ADGRB3: variants seen among roughly 807,000 people sequenced by gnomAD.
ADGRB3 encodes the protein brain-specific angiogenesis inhibitor 3.
Under a neutral mutation model 193.4 loss-of-function variants are expected in ADGRB3, and 37 were observed. The ratio of observed to expected loss-of-function variants is 0.19; its 90% CI spans 0.15 to 0.25. The LOEUF (loss-of-function observed/expected upper bound fraction) is 0.25, where lower values mean the gene tolerates loss of function less well. Ranked by LOEUF, ADGRB3 falls within the 10% of genes least tolerant of loss-of-function variation. The probability of loss-of-function intolerance (pLI) is 1.00; values close to 1 mark genes in which losing one functional copy is unlikely to be tolerated. For synonymous variants in ADGRB3, 690 were observed against 644.2 expected, an observed-to-expected ratio of 1.07 and a Z score of -1.08; for missense variants, 1,637 against 1,852.9, an observed-to-expected ratio of 0.88 and a Z score of 2.14.
intron 17 of ADGRB3, among the ~76,000 whole-genome samples, chr6:69,078,909 A>C (rs1350282273): frequency 1.3e-5 from 2 of 152,036 alleles, no homozygotes; most frequent in Non-Finnish European, 2.9e-5. Context: ...CATTCGATAA[A>C]TATTTATTGG....
chr6:68,950,464 A>G (rs1767885161), intron 6 of ADGRB3, among the ~76,000 whole-genome samples: 1 of 152,160 alleles, frequency 6.6e-6, no homozygotes, highest in African/African-American at 2.4e-5. Flanking sequence ...TAAATTTGAG[A>G]AGTAAATTTT....
chr6:68,736,275 T>C (rs1315297910), intron 3 of ADGRB3, among the ~76,000 whole-genome samples: 2 of 152,084 alleles, frequency 1.3e-5, no homozygotes, highest in African/African-American at 4.8e-5. Context: ...CGGCTCAGCC[T>C]CTCCAGTGCT....
chr6:69,012,612 G>A (rs890886575), intron 11 of ADGRB3, among the ~76,000 whole-genome samples: 1 of 152,074 alleles, frequency 6.6e-6, no homozygotes, highest in Non-Finnish European at 1.5e-5. Flanking sequence ...AAACAGACTT[G>A]CAGGTTTTTT....
chr6:69,209,215 G>A (rs549743743), intron 17 of ADGRB3, among the ~76,000 whole-genome samples: 3 of 152,184 alleles, frequency 2.0e-5, no homozygotes, highest in South Asian at 2.1e-4. Context: ...CAAAACTGGC[G>A]GCCTTTCAGG....
intron 3 of ADGRB3, among the ~76,000 whole-genome samples, chr6:68,780,244 A>G (rs148805655): frequency 1.9e-3 from 290 of 152,204 alleles, no homozygotes; most frequent in Middle Eastern, 0.01. Flanking sequence ...AGTCTCAGAC[A>G]AGCTATACAT....
chr6:68,989,521 G>T (rs1582375438), intron 10 of ADGRB3, among the ~76,000 whole-genome samples: 1 of 152,074 alleles, frequency 6.6e-6, no homozygotes, highest in East Asian at 1.9e-4. Context: ...TCGAGAAATT[G>T]GATCTTGAAT....
chr6:68,795,585 A>G (rs1484071414), intron 3 of ADGRB3, among the ~76,000 whole-genome samples: 1 of 152,096 alleles, frequency 6.6e-6, no homozygotes, highest in Non-Finnish European at 1.5e-5. Flanking sequence ...TTTTCCTCAA[A>G]TCAAAACATC....
At chr6:68,727,046 TTAA>T (rs1414688229) in intron 3 of ADGRB3, among the ~76,000 whole-genome samples, 1 of 151,604 alleles carries the variant, frequency 6.6e-6, no homozygotes, top group Admixed American at 6.6e-5. Context: ...CCAGGTTACC[TTAA>T]GTCCTCTTGT....
chr6:69,221,873 T>C (rs917397133), intron 17 of ADGRB3, among the ~76,000 whole-genome samples: 1 of 152,148 alleles, frequency 6.6e-6, no homozygotes, highest in Admixed American at 6.6e-5. Context: ...CGGTAGCATA[T>C]AATTTTTCTG....
At chr6:69,256,651 A>G in intron 20 of ADGRB3, among the ~76,000 whole-genome samples, 1 of 152,204 alleles carries the variant, frequency 6.6e-6, no homozygotes, top group East Asian at 1.9e-4. Flanking sequence ...GTCTGCAAAC[A>G]GGGACAATTT....
chr6:69,315,669 A>G (rs2127302599), intron 20 of ADGRB3, among the ~76,000 whole-genome samples: 1 of 151,584 alleles, frequency 6.6e-6, no homozygotes, highest in South Asian at 2.1e-4. Context: ...ATGAGTAAGC[A>G]GTTACCGGTG....
At chr6:68,684,098 G>A (rs1561993711) in intron 3 of ADGRB3, among the ~76,000 whole-genome samples, 1 of 152,138 alleles carries the variant, frequency 6.6e-6, no homozygotes, top group Non-Finnish European at 1.5e-5. Context: ...TGCGGCAACA[G>A]ACACGGTATA....
At chr6:69,368,469 T>C (rs1163751705) in intron 29 of ADGRB3, among the ~76,000 whole-genome samples, 1 of 152,116 alleles carries the variant, frequency 6.6e-6, no homozygotes, top group African/African-American at 2.4e-5. Context: ...GGGTGACTCC[T>C]GAGTCTCTCG....
At chr6:69,256,432 T>G (rs1197042181) in intron 20 of ADGRB3, among the ~76,000 whole-genome samples, 1 of 152,154 alleles carries the variant, frequency 6.6e-6, no homozygotes, top group Non-Finnish European at 1.5e-5. Context: ...CCTTGTAAGG[T>G]GGATTCCTAG....
chr6:68,957,097 G>A (rs190657253), intron 8 of ADGRB3, among the ~76,000 whole-genome samples: 52 of 152,264 alleles, frequency 3.4e-4, no homozygotes, highest in Admixed American at 3.2e-3. Context: ...AAGAAGTGTC[G>A]CTGACATTCA....
intron 3 of ADGRB3, among the ~76,000 whole-genome samples, chr6:68,765,731 A>G (rs1220898346): frequency 2.0e-5 from 3 of 152,106 alleles, no homozygotes; most frequent in Non-Finnish European, 4.4e-5. Context: ...TCCTAAGATC[A>G]AAGTTATACT....
chr6:69,189,992 GA>G (rs1486037440), intron 17 of ADGRB3, among the ~76,000 whole-genome samples: 10 of 152,106 alleles, frequency 6.6e-5, no homozygotes. Context: ...TGTTTATAGG[GA>G]TGCTGGTGGA....
chr6:68,655,474 C>T (rs188264518), intron 3 of ADGRB3, among the ~76,000 whole-genome samples: 14 of 151,706 alleles, frequency 9.2e-5, no homozygotes, highest in Non-Finnish European at 1.5e-4. Flanking sequence ...CTCTTCACTG[C>T]AATTAGAATT....
intron 3 of ADGRB3, among the ~76,000 whole-genome samples, chr6:68,787,764 G>A (rs1396106538): frequency 1.3e-5 from 2 of 152,128 alleles, no homozygotes; most frequent in Non-Finnish European, 2.9e-5. Flanking sequence ...GTAGAAATCG[G>A]CTGTGAATCC....
Sources: allele counts gnomAD v4.1 joint callset (sites outside exome capture counted in the v4.1 genomes callset), GRCh38; gene constraint gnomAD v4.1.1; transcripts MANE v1.5; gene names NCBI Gene and HGNC (gene_info 2026-07-23, HGNC 2026-07-21).